GABRQ: variants seen among roughly 807,000 people sequenced by gnomAD.
GABRQ encodes gamma-aminobutyric acid type A receptor subunit theta.
GABRQ carries 19 observed loss-of-function variants against 30.5 expected under a neutral mutation model. That is an observed-to-expected ratio of 0.62 (90% CI 0.43 to 0.91). The LOEUF is 0.91. Ranked by LOEUF, GABRQ falls within the 40% of genes least tolerant of loss-of-function variation. The probability of loss-of-function intolerance (pLI) is 0.00; values close to 1 mark genes in which losing one functional copy is unlikely to be tolerated. For synonymous variants in GABRQ, 187 were observed against 210.2 expected (o/e 0.89, Z 0.95); for missense variants, 520 against 521.4 (o/e 1.00, Z 0.03).
In GABRQ at chrX:152,652,122, G is replaced by A. The variant is rs781871414; in HGVS notation, c.1158+340G>A. 1.2e-4 allele frequency among the ~76,000 whole-genome samples: 14 copies of A among 112,702 alleles called. No individual in the cohort carries two copies. In the South Asian group the frequency reaches 1.8e-3, roughly 15 times the overall value. On this transcript the variant is annotated intron_variant, in intron 8 of 8. Coordinates refer to ENST00000598523, the MANE Select transcript of GABRQ (RefSeq NM_018558.4). ...GGAGACTGAAAGGAAGACAGACACC[G>A]GAGAGGCTGGCCTACCTACCCCTCC...
intron 1 of GABRQ, among the ~76,000 whole-genome samples, chrX:152,639,378 G>GCACACACACACACACACACACA (rs199710373): frequency 9.7e-6 from 1 of 103,346 alleles, no homozygotes. Flanking sequence ...ATGCGCGTGC[G>GCACACACACACACACACACACA]CACACACACA....
chrX:152,650,870 T>G (rs868909506), intron 7 of GABRQ, among the ~76,000 whole-genome samples: 4 of 111,300 alleles, frequency 3.6e-5, no homozygotes, highest in African/African-American at 9.8e-5. Flanking sequence ...GGACGAGTCA[T>G]AAGTTTAGAC....
In GABRQ at chrX:152,640,445, C is replaced by A. The variant is rs200034729; in HGVS notation, c.217C>A (p.Arg73Ser). 87 of 1,176,689 alleles carry A rather than the reference C, an allele frequency of 7.4e-5. No homozygotes were observed. Among genetic ancestry groups the A allele is most frequent in the African/African-American group, 1.8e-5 (1 of 56,393 alleles). ...CAGGGTGCTGTCAAGATACGATGTC[C>A]GCCTGAGACCGAATTTTGGAGGTAA... ...LDRVLSRYDV[R>S]LRPNFGGAPV... is the part of the protein sequence containing the mutation. Residue 73 changes from arginine (R) to serine (S), a missense_variant, in exon 2 of 9, where the codon CGC becomes AGC. By Grantham distance (110) the Arg-to-Ser change is moderately radical. Coordinates refer to ENST00000598523, the MANE Select transcript of GABRQ (RefSeq NM_018558.4).
intron 4 of GABRQ, among the ~76,000 whole-genome samples, chrX:152,648,698 T>C (rs1930947895): frequency 8.9e-6 from 1 of 112,042 alleles, no homozygotes; most frequent in Admixed American, 9.4e-5. Flanking sequence ...CATTGCAACT[T>C]AAAGCTCCTG....
chrX:152,651,432 C>T, intron 7 of GABRQ, 94 bp from the exon 8 acceptor site: 1 of 730,601 alleles, frequency 1.4e-6, no homozygotes, highest in South Asian at 2.5e-5. Flanking sequence ...GCTGTGGGCC[C>T]TCCTCACCCC....
intron 7 of GABRQ, 102 bp from the exon 8 acceptor site, chrX:152,651,424 T>C: frequency 3.1e-6 from 2 of 640,451 alleles, no homozygotes; most frequent in Non-Finnish European, 5.0e-6. Flanking sequence ...AGGCCTTTGC[T>C]GTGGGCCCTC....
At position 152,652,658 on chromosome X, in the gene GABRQ, C is replaced by T; in HGVS notation, c.1276C>T (p.Leu426=). 8.3e-7 allele frequency: 1 copy of T among 1,211,757 alleles called. No individual in the cohort carries two copies. Among genetic ancestry groups the T allele is most frequent in the Non-Finnish European group, 1.1e-6 (1 of 895,247 alleles). The change falls in exon 9 of 9, where the codon CTG becomes TTG. Residue 426 remains leucine, a synonymous_variant. Coordinates refer to ENST00000598523, the MANE Select transcript of GABRQ (RefSeq NM_018558.4). ...SLTSTSEQAQ[L]ATSESLSPLT... ...GACGTCCACCTCCGAGCAGGCCCAGCTGGCCACCTCGGAAAGCCTCAGCCC... is the reference window on the plus strand; with the variant it reads ...GACGTCCACCTCCGAGCAGGCCCAGTTGGCCACCTCGGAAAGCCTCAGCCC...
Position 152,650,168 on chromosome X carries a change from C to T in GABRQ, c.749-260C>T, listed in dbSNP as rs190729295. On this transcript the variant is annotated intron_variant, in intron 6 of 8. Coordinates refer to ENST00000598523, the MANE Select transcript of GABRQ (RefSeq NM_018558.4). ...TGTACCTTGGGAACATCTCTTGCCT[C>T]TCCCATTCCAAAACTTCACCTAACA... 2.7e-3 allele frequency among the ~76,000 whole-genome samples: 307 copies of T among 112,142 alleles called. 2 individuals are homozygous for T. The Middle Eastern group carries it at 0.033, about 12-fold the overall frequency.
chrX:152,638,136 C>T lies in GABRQ; in HGVS notation c.-67C>T. On this transcript the variant is annotated 5_prime_UTR_variant, in exon 1 of 9. Coordinates refer to ENST00000598523, the MANE Select transcript of GABRQ (RefSeq NM_018558.4). ...CGGCCCCAGTAGTCACCCACTCTCC[C>T]ACCCCACCTCTGTTCCTTTTCGCGG... The T allele has an allele frequency of 1.9e-6, 2 of 1,057,708 alleles. No individual in the cohort carries two copies. The highest frequency in any genetic ancestry group is 4.2e-5 in the South Asian group (2 of 48,132). 87.2% of individuals were successfully genotyped at this position (1,057,708 alleles called of 1,213,427 possible).
At chrX:152,650,403 TAA>T (rs1663189884) in intron 6 of GABRQ, 23 bp from the exon 7 acceptor site, 3 of 1,195,068 alleles carry the variant, frequency 2.5e-6, no homozygotes. Context: ...CCTGCCACCC[TAA>T]TTCCAGTGTG....
intron 1 of GABRQ, 63 bp downstream of exon 1, chrX:152,638,414 T>G: frequency 2.7e-6 from 3 of 1,104,657 alleles, no homozygotes; most frequent in Non-Finnish European, 1.2e-6. Flanking sequence ...AGACGACCTC[T>G]GGCCTCTTGG....
chrX:152,641,472 G>T (rs1365238667), intron 2 of GABRQ, among the ~76,000 whole-genome samples: 4 of 112,897 alleles, frequency 3.5e-5, no homozygotes, highest in African/African-American at 1.3e-4. Context: ...CAGCTGAGAG[G>T]ATTCGGCCCT....
chrX:152,650,489 G>A lies in GABRQ; in HGVS notation c.810G>A (p.Val270=). Reference sequence around the variant, plus strand: ...AGAGGGAAGTTAACAGCTACCTTGTGCAAGTCTACTGGCCTACTGTCCTCA... The same window carrying A: ...AGAGGGAAGTTAACAGCTACCTTGTACAAGTCTACTGGCCTACTGTCCTCA... The part of the protein sequence containing the change: ...QVQREVNSYL[V]QVYWPTVLTT... The change falls in exon 7 of 9, where the codon GTG becomes GTA. Residue 270 remains valine, a synonymous_variant. Coordinates refer to ENST00000598523, the MANE Select transcript of GABRQ (RefSeq NM_018558.4). The A allele has an allele frequency of 8.3e-7, 1 of 1,200,630 alleles. No homozygotes were observed. The highest frequency in any genetic ancestry group is 1.1e-6 in the Non-Finnish European group (1 of 885,419).
intron 2 of GABRQ, among the ~76,000 whole-genome samples, chrX:152,641,240 C>T (rs782379562): frequency 1.8e-5 from 2 of 112,066 alleles, no homozygotes; most frequent in Admixed American, 9.4e-5. Flanking sequence ...AGGCAACCTA[C>T]CCTGACCCGG....
rs76984204 is a variant in GABRQ, at chrX:152,653,262, G to A, written c.1880G>A (p.Trp627Ter). Reference protein sequence around the residue: ...LAFGLFNIVYWVYHMY With the variant: ...LAFGLFNIVY Reference sequence around the variant, plus strand: ...TTTGGGTTGTTCAACATTGTTTACTGGGTATACCATATGTATTAGTCCCCC... The same window carrying A: ...TTTGGGTTGTTCAACATTGTTTACTAGGTATACCATATGTATTAGTCCCCC... The change falls in exon 9 of 9, where the codon TGG becomes TAG. Residue 627 changes from tryptophan (W) to a stop codon, truncating the protein, a stop_gained. Transcript: ENST00000598523. LOFTEE classifies it high-confidence loss of function. 1.4e-5 allele frequency: 17 copies of A among 1,199,882 alleles called. No individual in the cohort carries two copies. In the African/African-American group the frequency reaches 3.0e-4, roughly 21 times the overall value.
chrX:152,654,675 A>T lies in GABRQ; in HGVS notation c.*1394A>T, dbSNP rs1264685005. 1 of 111,805 alleles carries T rather than the reference A, an allele frequency of 8.9e-6. No individual in the cohort carries two copies. The highest frequency in any genetic ancestry group is 2.8e-4 in the East Asian group (1 of 3,539). The allele number at this position is 111,805 out of a possible 1,213,427, so 9.2% of individuals were successfully genotyped here. On this transcript the variant is annotated 3_prime_UTR_variant, in exon 9 of 9. Transcript: ENST00000598523. The stretch of plus-strand genomic sequence containing the variant: ...CTCTGCCCACTGAGCAGGGCCCCTA[A>T]CGGAAGTAGGATTGGCCAGCATTCC...
chrX:152,648,054 G>C (rs1252284699), intron 4 of GABRQ, among the ~76,000 whole-genome samples: 6 of 112,269 alleles, frequency 5.3e-5, no homozygotes, highest in Non-Finnish European at 1.1e-4. Flanking sequence ...GGTCACACTT[G>C]TTCTACTTAA....
rs781949873 is a variant in GABRQ, at chrX:152,653,317, T to C, written c.*36T>C. 36 of 1,023,013 alleles carry C rather than the reference T, an allele frequency of 3.5e-5. No homozygotes were observed. The highest frequency in any genetic ancestry group is 4.5e-5 in the Non-Finnish European group (34 of 748,881). 84.3% of individuals were successfully genotyped at this position (1,023,013 alleles called of 1,213,427 possible). A position where few individuals can be genotyped will look rare whatever the true frequency, so the allele number is the denominator to read the frequency against. On this transcript the variant is annotated 3_prime_UTR_variant, in exon 9 of 9. Transcript: ENST00000598523. ...CTCCAGAACAGCGGGAGCACTGTGC[T>C]GTGCTCCTTTCAGTTTCTTTTGGGT...
intron 2 of GABRQ, among the ~76,000 whole-genome samples, chrX:152,641,338 G>C: frequency 8.9e-6 from 1 of 112,855 alleles, no homozygotes; most frequent in Non-Finnish European, 1.9e-5. Context: ...TTAAAAAAGA[G>C]GTTAGTTACA....
Sources: allele counts gnomAD v4.1 joint callset (sites outside exome capture counted in the v4.1 genomes callset), GRCh38; gene constraint gnomAD v4.1.1; transcripts MANE v1.5; gene names NCBI Gene and HGNC (gene_info 2026-07-23, HGNC 2026-07-21).